MYG1: variants seen among roughly 807,000 people sequenced by gnomAD.
MYG1 encodes the protein UPF0160 protein MYG1, mitochondrial.
A neutral mutation model predicts 43.5 loss-of-function variants in MYG1; 36 were observed. The observed-to-expected ratio is 0.83, with a 90% CI of 0.63 to 1.09. MYG1 has a LOEUF of 1.09. Ranked by LOEUF, MYG1 falls within the 50% of genes least tolerant of loss-of-function variation. The pLI, the probability that MYG1 is intolerant of heterozygous loss-of-function variation, is 0.00. For synonymous variants in MYG1, 220 were observed against 202.8 expected (o/e 1.08, Z -0.72); for missense variants, 529 against 495.1 (o/e 1.07, Z -0.65).
chr12:53,303,212 A>G lies in MYG1; in HGVS notation c.489+19A>G, dbSNP rs1375019331. 1.2e-6 allele frequency: 2 copies of G among 1,609,954 alleles called. No individual in the cohort carries two copies. The highest frequency in any genetic ancestry group is 3.3e-5 in the Admixed American group (2 of 59,786). On this transcript the variant is annotated intron_variant, in intron 3 of 6. Transcript: ENST00000267103. Reference sequence around the variant, plus strand: ...TGACAAGGTGGGGACCTGAGGACAGAGATGCCCCCCACATGCATTTCCAGC... The same window carrying G: ...TGACAAGGTGGGGACCTGAGGACAGGGATGCCCCCCACATGCATTTCCAGC...
At chr12:53,302,944 G>A in intron 2 of MYG1, 90 bp from the exon 3 acceptor site, 2 of 1,329,324 alleles carry the variant, frequency 1.5e-6, no homozygotes, top group Non-Finnish European at 2.0e-6. Context: ...AAATGTGGCA[G>A]ATAGGAAGCA....
At chr12:53,301,923 C>T (rs1218346587) in intron 2 of MYG1, among the ~76,000 whole-genome samples, 4 of 152,210 alleles carry the variant, frequency 2.6e-5, no homozygotes, top group African/African-American at 7.2e-5. Flanking sequence ...GTGATCCACC[C>T]GCCTCAGTCT....
At position 53,306,830 on chromosome 12, in the gene MYG1, G is replaced by T. The variant is rs1944288586; in HGVS notation, c.916G>T (p.Val306Leu). 2 of 1,613,978 alleles carry T rather than the reference G, an allele frequency of 1.2e-6. No homozygotes were observed. The highest frequency in any genetic ancestry group is 2.7e-5 in the African/African-American group (2 of 75,036). Residue 306 changes from valine (V) to leucine (L), a missense_variant, in exon 6 of 7, where the codon GTG becomes TTG. Physicochemically the swap from Val to Leu is conservative, Grantham distance 32. Coordinates refer to ENST00000267103, the MANE Select transcript of MYG1 (RefSeq NM_021640.4). ...GGCTGGACAGTGGCGAATACAGTGTGTGCCCAAGGAGCCCCACTCATTCCA... is the reference window on the plus strand; with the variant it reads ...GGCTGGACAGTGGCGAATACAGTGTTTGCCCAAGGAGCCCCACTCATTCCA... ...DQAGQWRIQC[V>L]PKEPHSFQSR...
chr12:53,299,795 T>C lies in MYG1; in HGVS notation c.58T>C (p.Tyr20His), dbSNP rs147245459. Residue 20 changes from tyrosine (Y) to histidine (H), a missense_variant, in exon 1 of 7, where the codon TAT becomes CAT. Transcript: ENST00000267103. ...GCTGCTGCTGCCGCCGCCACCCCTG[T>C]ATACCCGGCACCGCATGCTCGGTCC... ...LTLLLPPPPL[Y>H]TRHRMLGPES... 2.5e-6 allele frequency: 4 copies of C among 1,614,018 alleles called. No homozygotes were observed. The highest frequency in any genetic ancestry group is 1.1e-5 in the South Asian group (1 of 91,076).
Position 53,299,793 on chromosome 12 carries a change from T to C in MYG1, c.56T>C (p.Leu19Pro), listed in dbSNP as rs780449320. ...LLTLLLPPPPLYTRHRMLGPE... is the reference protein window; with the variant it reads ...LLTLLLPPPPPYTRHRMLGPE... ...ACGCTGCTGCTGCCGCCGCCACCCC[T>C]GTATACCCGGCACCGCATGCTCGGT... The change falls in exon 1 of 7, where the codon CTG becomes CCG. Residue 19 changes from leucine (L) to proline (P), a missense_variant. Physicochemically the swap from Leu to Pro is moderately conservative, Grantham distance 98 (BLOSUM62 -3). Transcript: ENST00000267103. 6.2e-7 allele frequency: 1 copy of C among 1,614,000 alleles called. No individual in the cohort carries two copies. Among genetic ancestry groups the C allele is most frequent in the South Asian group, 1.1e-5 (1 of 91,076 alleles).
Position 53,300,247 on chromosome 12 carries a change from A to T in MYG1, c.314A>T (p.Tyr105Phe), listed in dbSNP as rs771476257. The change falls in exon 2 of 7, where the codon TAT becomes TTT. Residue 105 changes from tyrosine to phenylalanine, a missense_variant. Tyr to Phe is a conservative substitution (Grantham distance 22). Coordinates refer to ENST00000267103, the MANE Select transcript of MYG1 (RefSeq NM_021640.4). ...GGEYDPRRHR[Y>F]DHHQRSFTET... ...GAGTACGACCCTCGGAGACACCGAT[A>T]TGACCATCACCAGAGGTAGGTTCTC... 5.7e-6 allele frequency: 9 copies of T among 1,585,104 alleles called. 1 individual carries two copies. The South Asian group carries it at 1.0e-4, about 18-fold the overall frequency.
rs71068106 is a variant in MYG1 at position 53,304,861 on chromosome 12, GTTTTTTTTT to G, written c.490-1030_490-1022del. On this transcript the variant is annotated intron_variant, in intron 3 of 6. Coordinates refer to ENST00000267103, the MANE Select transcript of MYG1 (RefSeq NM_021640.4). ...TCCTCCCACCTCAGCCTAAACCCAT[GTTTTTTTTT>G]TTTTTTTTTTTTTTTTGAGACGGAG... 2.6e-3 allele frequency among the ~76,000 whole-genome samples: 201 copies of G among 78,202 alleles called. 1 individual carries two copies. Among genetic ancestry groups the G allele is most frequent in the African/African-American group, 8.9e-3 (189 of 21,236 alleles). The allele number at this position is 78,202 out of a possible 152,430, so 51.3% of individuals were successfully genotyped here.
In MYG1 at chr12:53,306,741, T is replaced by C. The variant is rs752677557; in HGVS notation, c.827T>C (p.Leu276Pro). Residue 276 changes from leucine to proline, a missense_variant, in exon 6 of 7, where the codon CTC becomes CCC. Physicochemically the swap from Leu to Pro is moderately conservative, Grantham distance 98. Coordinates refer to ENST00000267103, the MANE Select transcript of MYG1 (RefSeq NM_021640.4). ...GGTGCATGTCCCTGGAAGGAGCATC[T>C]CTACCACCTGGAATCTGGGCTGTCC... ...AKGACPWKEH[L>P]YHLESGLSPP... is the part of the protein sequence containing the mutation. 5 of 1,614,222 alleles carry C rather than the reference T, an allele frequency of 3.1e-6. No homozygotes were observed. Among genetic ancestry groups the C allele is most frequent in the Non-Finnish European group, 4.2e-6 (5 of 1,180,042 alleles).
Position 53,306,100 on chromosome 12 carries a change from C to T in MYG1, c.642+40C>T, listed in dbSNP as rs376935988. On this transcript the variant is annotated intron_variant, in intron 4 of 6. Transcript: ENST00000267103. ...GAGGAGACCCGGAGACCTGTAAGAACCTTGGGTGGGGGGAAAATGGGAGCA... is the reference window on the plus strand; with the variant it reads ...GAGGAGACCCGGAGACCTGTAAGAATCTTGGGTGGGGGGAAAATGGGAGCA... 1.1e-5 allele frequency: 18 copies of T among 1,608,238 alleles called. No individual in the cohort carries two copies. The African/African-American group carries it at 2.4e-4, about 22-fold the overall frequency.
At chr12:53,301,418 T>C (rs887736710) in intron 2 of MYG1, among the ~76,000 whole-genome samples, 1 of 152,194 alleles carries the variant, frequency 6.6e-6, no homozygotes, top group African/African-American at 2.4e-5. Context: ...CTTTTTTCTT[T>C]TTTTAGCATA....
At chr12:53,305,798 G>C (rs987043600) in intron 3 of MYG1, 110 bp from the exon 4 acceptor site, 4 of 1,378,092 alleles carry the variant, frequency 2.9e-6, no homozygotes, top group Non-Finnish European at 3.9e-6. Flanking sequence ...AGTTAATGTT[G>C]AGAGATCCTC....
In MYG1 at chr12:53,299,951, C is replaced by G. The variant is rs754098913; in HGVS notation, c.214C>G (p.Arg72Gly). The change falls in exon 1 of 7, where the codon CGG becomes GGG. Residue 72 changes from arginine to glycine, a missense_variant and splice_region_variant. Physicochemically the swap from Arg to Gly is moderately radical, Grantham distance 125. Coordinates refer to ENST00000267103, the MANE Select transcript of MYG1 (RefSeq NM_021640.4). ...CALLRLLPEY[R>G]DAEIVRTRDP... Reference sequence around the variant, plus strand: ...ACTGCTTCGCCTCCTGCCGGAGTACCGGGTACGGTCCGCGAAAAGTGACCC... The same window carrying G: ...ACTGCTTCGCCTCCTGCCGGAGTACGGGGTACGGTCCGCGAAAAGTGACCC... 1 of 1,614,156 alleles carries G rather than the reference C, an allele frequency of 6.2e-7. No individual in the cohort carries two copies. Among genetic ancestry groups the G allele is most frequent in the Admixed American group, 1.7e-5 (1 of 60,028 alleles).
chr12:53,305,879 CAAG>C (rs779585775), intron 3 of MYG1, 26 bp from the exon 4 acceptor site: 32 of 1,560,296 alleles, frequency 2.1e-5, no homozygotes, highest in African/African-American at 9.6e-5. Context: ...CAGGTAGCCT[CAAG>C]AAGGTTTCCC....
intron 3 of MYG1, chr12:53,305,649 G>A (rs750084533): frequency 1.1e-4 from 40 of 361,568 alleles, no homozygotes; most frequent in African/African-American, 1.7e-4. Context: ...CTCCCTACAC[G>A]TGTTGGCTTT....
intron 3 of MYG1, chr12:53,305,632 C>T (rs1944268458): frequency 1.1e-5 from 3 of 285,710 alleles, no homozygotes; most frequent in Non-Finnish European, 1.3e-5. Flanking sequence ...CAAAAGTTAG[C>T]AGTCCCCTCC....
rs1438888137 is a variant in MYG1, at chr12:53,306,044, C to T, written c.626C>T (p.Pro209Leu). 1.2e-6 allele frequency: 2 copies of T among 1,613,428 alleles called. No homozygotes were observed. Among genetic ancestry groups the T allele is most frequent in the Admixed American group, 3.3e-5 (2 of 59,940 alleles). ...CGACTTAATCCTACCTGGAACCACCCCGACCAAGACACTGAGGTAAGGTGG... is the reference window on the plus strand; with the variant it reads ...CGACTTAATCCTACCTGGAACCACCTCGACCAAGACACTGAGGTAAGGTGG... Reference protein sequence around the residue: ...VARLNPTWNHPDQDTEAGFKR... With the variant: ...VARLNPTWNHLDQDTEAGFKR... Residue 209 changes from proline (P) to leucine (L), a missense_variant, in exon 4 of 7, where the codon CCC (proline) becomes CTC (leucine). Pro to Leu is a moderately conservative substitution (Grantham distance 98). Coordinates refer to ENST00000267103, the MANE Select transcript of MYG1 (RefSeq NM_021640.4).
rs370034772 is a variant in MYG1 at position 53,306,054 on chromosome 12, C to T, written c.636C>T (p.Asp212=). 3 of 1,612,768 alleles carry T rather than the reference C, an allele frequency of 1.9e-6. No homozygotes were observed. The highest frequency in any genetic ancestry group is 2.5e-6 in the Non-Finnish European group (3 of 1,179,336). ...LNPTWNHPDQ[D]TEAGFKRAMD... ...CTACCTGGAACCACCCCGACCAAGA[C>T]ACTGAGGTAAGGTGGCCTGGGAGGA... The change falls in exon 4 of 7, where the codon GAC becomes GAT. Residue 212 remains aspartate (D), a synonymous_variant. Transcript: ENST00000267103.
intron 3 of MYG1, among the ~76,000 whole-genome samples, chr12:53,304,529 CCCA>C (rs1180198942): frequency 6.6e-6 from 1 of 152,112 alleles, no homozygotes; most frequent in Non-Finnish European, 1.5e-5. Flanking sequence ...AAGTAACGCA[CCCA>C]CCTTGGCCTC....
chr12:53,303,381 C>A (rs1030471234), intron 3 of MYG1, 188 bp downstream of exon 3: 4 of 608,632 alleles, frequency 6.6e-6, no homozygotes, highest in African/African-American at 1.9e-5. Flanking sequence ...CTGTCTACAT[C>A]CTGGGGTGGT....
Sources: gnomAD v4.1 joint callset for allele counts (sites outside exome capture counted in the v4.1 genomes callset) on GRCh38, gnomAD v4.1.1 for gene constraint, MANE v1.5 for transcripts, NCBI Gene and HGNC (gene_info 2026-07-23, HGNC 2026-07-21) for gene names.